Variants in NOP58 observed in about 807,000 individuals in gnomAD.
The protein encoded by NOP58 is NOP58 ribonucleoprotein.
Under a neutral mutation model 71.2 loss-of-function variants are expected in NOP58, and 44 were observed. The ratio of observed to expected loss-of-function variants is 0.62; its 90% CI spans 0.49 to 0.79. The LOEUF is 0.79. NOP58 is among the 30% of genes least tolerant of loss of function. NOP58 has a pLI of 0.00. For missense variants in NOP58, 538 were observed against 620.2 expected, an observed-to-expected ratio of 0.87 and a Z score of 1.41; for synonymous variants, 228 against 200.3, an observed-to-expected ratio of 1.14 and a Z score of -1.17.
intron 2 of NOP58, among the ~76,000 whole-genome samples, chr2:202,277,535 AAG>A (rs1411062716): frequency 5.3e-5 from 8 of 152,074 alleles, no homozygotes; most frequent in South Asian, 4.1e-4. Flanking sequence ...ACCTGACAAT[AAG>A]CTATTTTTTT....
chr2:202,300,255 T>C lies in NOP58; in HGVS notation c.1290T>C (p.Pro430=). 1 of 1,594,228 alleles carries C rather than the reference T, an allele frequency of 6.3e-7. No individual in the cohort carries two copies. Among genetic ancestry groups the C allele is most frequent in the Non-Finnish European group, 8.5e-7 (1 of 1,175,886 alleles). ...TCAGTGAAGTGAAGACTTACGATCC[T>C]TCTGGTGACTCCACACTTCCAACCT... ...EHKSEVKTYD[P]SGDSTLPTCS... The change falls in exon 13 of 15, where the codon CCT becomes CCC. Residue 430 remains proline, a synonymous_variant. Coordinates refer to ENST00000264279, the MANE Select transcript of NOP58 (RefSeq NM_015934.5).
At position 202,292,651 on chromosome 2, in the gene NOP58, G is replaced by A; in HGVS notation, c.781-126G>A. 3 of 704,430 alleles carry A rather than the reference G, an allele frequency of 4.3e-6. No individual in the cohort carries two copies. The South Asian group carries it at 5.3e-5, about 13-fold the overall frequency. The allele number at this position is 704,430 out of a possible 1,614,324, so 43.6% of individuals were successfully genotyped here. A position where few individuals can be genotyped will look rare whatever the true frequency, so the allele number is the denominator to read the frequency against. ...AAGAAAACTGATGTTAGGCATAGGT[G>A]ATGTACCCAGTACCCAGGGTTGTGT... On this transcript the variant is annotated intron_variant, in intron 8 of 14. Transcript: ENST00000264279.
At chr2:202,287,513 C>G (rs1688812429) in intron 5 of NOP58, 147 bp from the exon 6 acceptor site, 3 of 573,380 alleles carry the variant, frequency 5.2e-6, no homozygotes, top group Non-Finnish European at 9.4e-6. Context: ...TTCTACTTAG[C>G]TGATTTTTCT....
chr2:202,274,246 A>G (rs1171669806), intron 1 of NOP58, among the ~76,000 whole-genome samples: 2 of 151,954 alleles, frequency 1.3e-5, no homozygotes, highest in Non-Finnish European at 2.9e-5. Flanking sequence ...TTTTTTTGAG[A>G]TGGAGTTTTT....
At chr2:202,281,177 G>C (rs1341536877) in intron 3 of NOP58, among the ~76,000 whole-genome samples, 1 of 149,790 alleles carries the variant, frequency 6.7e-6, no homozygotes, top group Non-Finnish European at 1.5e-5. Flanking sequence ...TTGTCACTTA[G>C]GCTGGAGTGC....
At chr2:202,290,850 T>A (rs1334663578) in intron 7 of NOP58, among the ~76,000 whole-genome samples, 4 of 152,194 alleles carry the variant, frequency 2.6e-5, no homozygotes, top group Non-Finnish European at 5.9e-5. Flanking sequence ...TTTTTAAATT[T>A]TTGCCACTTA....
chr2:202,286,951 C>A (rs984925824), intron 5 of NOP58, among the ~76,000 whole-genome samples: 1 of 151,764 alleles, frequency 6.6e-6, no homozygotes, highest in African/African-American at 2.4e-5. Context: ...TTTATACAGA[C>A]AATATTGTTA....
At chr2:202,284,504 G>T (rs756022175) in intron 5 of NOP58, 23 bp downstream of exon 5, 15 of 1,608,286 alleles carry the variant, frequency 9.3e-6, no homozygotes, top group Admixed American at 1.7e-5. Flanking sequence ...GGAAAATAAA[G>T]TCAACTTACT....
chr2:202,285,675 A>G (rs1202248895), intron 5 of NOP58, among the ~76,000 whole-genome samples: 1 of 151,994 alleles, frequency 6.6e-6, no homozygotes. Context: ...TAACCCTATC[A>G]TATTTCATTA....
In NOP58 at chr2:202,278,096, G is replaced by T. The variant is rs1372857070; in HGVS notation, c.175+94G>T. The T allele has an allele frequency of 1.5e-5, 12 of 813,528 alleles. No individual in the cohort carries two copies. In the East Asian group the frequency reaches 2.7e-4, roughly 18 times the overall value. 50.4% of individuals were successfully genotyped at this position (813,528 alleles called of 1,614,324 possible). On this transcript the variant is annotated intron_variant, in intron 3 of 14. Coordinates refer to ENST00000264279, the MANE Select transcript of NOP58 (RefSeq NM_015934.5). ...AAAAGGTTGTTTGCTTCAGTTGCCTGTGTTAACCTTATTCAATGTTGTCAA... is the reference window on the plus strand; with the variant it reads ...AAAAGGTTGTTTGCTTCAGTTGCCTTTGTTAACCTTATTCAATGTTGTCAA...
intron 1 of NOP58, among the ~76,000 whole-genome samples, chr2:202,266,301 A>ATT (rs113536654): frequency 1.6e-4 from 24 of 145,518 alleles, no homozygotes; most frequent in African/African-American, 5.8e-4. Flanking sequence ...TGATCGAAAG[A>ATT]TTTTTTTTTT....
At chr2:202,266,656 T>A (rs11689276) in intron 1 of NOP58, among the ~76,000 whole-genome samples, 1 of 152,174 alleles carries the variant, frequency 6.6e-6, no homozygotes, top group African/African-American at 2.4e-5. Context: ...TGCTAATTTG[T>A]CTTAATACGG....
chr2:202,279,665 C>A (rs1322435723), intron 3 of NOP58, among the ~76,000 whole-genome samples: 1 of 152,138 alleles, frequency 6.6e-6, no homozygotes, highest in Non-Finnish European at 1.5e-5. Context: ...TGTGGTGGCA[C>A]ACACCTTAGT....
chr2:202,286,344 A>G (rs1688785764), intron 5 of NOP58, among the ~76,000 whole-genome samples: 1 of 150,044 alleles, frequency 6.7e-6, no homozygotes, highest in Admixed American at 6.7e-5. Flanking sequence ...CTCTACTAAA[A>G]ATACAAAAAA....
intron 2 of NOP58, 94 bp from the exon 3 acceptor site, chr2:202,277,856 G>A: frequency 2.8e-6 from 2 of 709,562 alleles, no homozygotes; most frequent in Non-Finnish European, 5.0e-6. Context: ...TGTGTGCTTT[G>A]GAAACAGTCA....
rs755912215 is a variant in NOP58, at chr2:202,297,371, TC to T, written c.1072-7del. 3.7e-6 allele frequency: 6 copies of T among 1,609,938 alleles called. No individual in the cohort carries two copies. The highest frequency in any genetic ancestry group is 5.1e-6 in the Non-Finnish European group (6 of 1,178,348). On this transcript the variant is annotated splice_polypyrimidine_tract_variant and splice_region_variant and intron_variant, in intron 10 of 14. Coordinates refer to ENST00000264279, the MANE Select transcript of NOP58 (RefSeq NM_015934.5). Reference sequence around the variant, plus strand: ...CATGGAATATAGTTCTTCATGTTTTTCTATTAGATTTCTCGAATGCTGGCAG... The same window carrying T: ...CATGGAATATAGTTCTTCATGTTTTTTATTAGATTTCTCGAATGCTGGCAG...
chr2:202,289,678 T>A (rs1413267375), intron 6 of NOP58, among the ~76,000 whole-genome samples: 1 of 152,156 alleles, frequency 6.6e-6, no homozygotes, highest in Non-Finnish European at 1.5e-5. Flanking sequence ...TGATAAACCT[T>A]GAAAATATGC....
chr2:202,286,629 G>A (rs1436824597), intron 5 of NOP58, among the ~76,000 whole-genome samples: 1 of 152,214 alleles, frequency 6.6e-6, no homozygotes, highest in Non-Finnish European at 1.5e-5. Context: ...CAAAGGTTAG[G>A]GAGAGCTTTG....
At chr2:202,275,293 T>C in intron 2 of NOP58, 104 bp downstream of exon 2, 1 of 626,098 alleles carries the variant, frequency 1.6e-6, no homozygotes, top group Middle Eastern at 3.6e-4. Flanking sequence ...TAGTTTTCTG[T>C]TTTGAAATCT....
Sources: gnomAD v4.1 joint callset for allele counts (sites outside exome capture counted in the v4.1 genomes callset) on GRCh38, gnomAD v4.1.1 for gene constraint, MANE v1.5 for transcripts, NCBI Gene and HGNC (gene_info 2026-07-23, HGNC 2026-07-21) for gene names.